Variants in AMBRA1 observed in about 807,000 individuals in gnomAD.
AMBRA1 encodes the protein activating molecule in BECN1-regulated autophagy protein 1.
In AMBRA1, 47 loss-of-function variants were observed where a neutral mutation model predicts 125.4. That is an observed-to-expected ratio of 0.37 (90% CI 0.30 to 0.48). The LOEUF (loss-of-function observed/expected upper bound fraction) is 0.48. AMBRA1 is among the 20% of genes least tolerant of loss of function. The probability of loss-of-function intolerance (pLI) is 0.99; values close to 1 mark genes in which losing one functional copy is unlikely to be tolerated. For missense variants in AMBRA1, 1,331 were observed against 1,693.4 expected, an observed-to-expected ratio of 0.79 and a Z score of 3.76; for synonymous variants, 626 against 655.5, an observed-to-expected ratio of 0.95 and a Z score of 0.69.
chr11:46,471,532 C>T (rs1224907170), intron 11 of AMBRA1, among the ~76,000 whole-genome samples: 1 of 151,104 alleles, frequency 6.6e-6, no homozygotes, highest in African/African-American at 2.4e-5. Context: ...GAGCCGAGAT[C>T]GCCCCACTGC....
intron 15 of AMBRA1, among the ~76,000 whole-genome samples, chr11:46,413,481 T>C (rs915490379): frequency 1.4e-5 from 2 of 146,844 alleles, no homozygotes; most frequent in African/African-American, 2.5e-5. Context: ...CTCTTAGCTT[T>C]CTTTCTTTCT....
intron 11 of AMBRA1, among the ~76,000 whole-genome samples, chr11:46,485,193 C>G (rs1950223749): frequency 6.6e-6 from 1 of 152,238 alleles, no homozygotes; most frequent in Non-Finnish European, 1.5e-5. Context: ...CCGCCTTGGC[C>G]TCCCAACATG....
intron 7 of AMBRA1, among the ~76,000 whole-genome samples, chr11:46,521,177 C>T (rs1951745005): frequency 6.6e-6 from 1 of 152,218 alleles, no homozygotes; most frequent in Non-Finnish European, 1.5e-5. Flanking sequence ...ATGCCCAAAA[C>T]CTCACACTAA....
At chr11:46,558,548 CAAAAAAAAA>C (rs58748629) in intron 1 of AMBRA1, among the ~76,000 whole-genome samples, 1 of 38,736 alleles carries the variant, frequency 2.6e-5, no homozygotes, top group African/African-American at 8.0e-5. Context: ...GACTCCCTCT[CAAAAAAAAA>C]AAAAAAAAAA....
intron 7 of AMBRA1, among the ~76,000 whole-genome samples, chr11:46,519,644 T>A (rs1054772258): frequency 3.9e-5 from 6 of 152,212 alleles, no homozygotes; most frequent in South Asian, 2.1e-4. Flanking sequence ...AGCTTTGATG[T>A]CTGGATGGCA....
At chr11:46,438,414 C>T (rs1376653139) in intron 12 of AMBRA1, among the ~76,000 whole-genome samples, 3 of 152,216 alleles carry the variant, frequency 2.0e-5, no homozygotes, top group Non-Finnish European at 4.4e-5. Context: ...TTCCTATCAG[C>T]TCCATAAATT....
intron 11 of AMBRA1, among the ~76,000 whole-genome samples, chr11:46,488,139 T>A (rs1014391827): frequency 2.6e-5 from 4 of 152,026 alleles, no homozygotes; most frequent in African/African-American, 9.7e-5. Context: ...AATGACAAAG[T>A]CACAAAATAC....
intron 11 of AMBRA1, among the ~76,000 whole-genome samples, chr11:46,480,183 C>T (rs1424179044): frequency 6.6e-6 from 1 of 152,148 alleles, no homozygotes; most frequent in Non-Finnish European, 1.5e-5. Flanking sequence ...AATCTTCCCA[C>T]CTCAAGATCT....
intron 1 of AMBRA1, among the ~76,000 whole-genome samples, chr11:46,559,112 C>T (rs2043249298): frequency 6.6e-6 from 1 of 152,050 alleles, no homozygotes. Context: ...CCAGCCTGGC[C>T]AACATGGTGA....
At chr11:46,517,292 C>T (rs986373928) in intron 7 of AMBRA1, among the ~76,000 whole-genome samples, 4 of 150,592 alleles carry the variant, frequency 2.7e-5, no homozygotes, top group Non-Finnish European at 5.9e-5. Context: ...GGATTACAGG[C>T]GTCCACCACC....
chr11:46,460,047 T>G (rs886299619), intron 11 of AMBRA1, among the ~76,000 whole-genome samples: 1 of 152,180 alleles, frequency 6.6e-6, no homozygotes, highest in Non-Finnish European at 1.5e-5. Flanking sequence ...GCTATATAAC[T>G]GAAGATGAGC....
intron 7 of AMBRA1, among the ~76,000 whole-genome samples, chr11:46,538,650 A>G (rs188615701): frequency 5.0e-4 from 76 of 152,200 alleles, no homozygotes; most frequent in African/African-American, 1.8e-3. Context: ...ATGCACCACC[A>G]TGCCTGGCTA....
chr11:46,549,717 G>A (rs887512649), intron 1 of AMBRA1, among the ~76,000 whole-genome samples: 1 of 151,930 alleles, frequency 6.6e-6, no homozygotes. Flanking sequence ...CTCAAGCAAC[G>A]ACTTTGGACG....
chr11:46,409,619 C>T (rs199967437), intron 16 of AMBRA1, among the ~76,000 whole-genome samples: 2 of 152,214 alleles, frequency 1.3e-5, no homozygotes, highest in East Asian at 3.8e-4. Flanking sequence ...TGCTAGCATC[C>T]CCCTTCCTTG....
chr11:46,539,515 C>G (rs1431100054), intron 7 of AMBRA1, among the ~76,000 whole-genome samples: 1 of 152,120 alleles, frequency 6.6e-6, no homozygotes, highest in African/African-American at 2.4e-5. Flanking sequence ...CGAGATCACA[C>G]TATTGCACTC....
chr11:46,571,687 C>CT (rs543760300), intron 1 of AMBRA1, among the ~76,000 whole-genome samples: 1,994 of 123,886 alleles, frequency 0.016, 21 homozygotes, highest in Admixed American at 0.022. Context: ...ATCAATCAAT[C>CT]TTTTTTTTTT....
intron 17 of AMBRA1, among the ~76,000 whole-genome samples, chr11:46,399,892 T>C (rs1270722390): frequency 2.0e-5 from 3 of 150,544 alleles, no homozygotes; most frequent in Non-Finnish European, 4.4e-5. Flanking sequence ...AGCATTCCCT[T>C]GTGTGGGAAC....
In AMBRA1 at chr11:46,508,229, T is replaced by C; in HGVS notation, c.2301A>G (p.Pro767=). Residue 767 remains proline, a synonymous_variant, in exon 9 of 18, where the codon CCA becomes CCG. Coordinates refer to ENST00000683756, the MANE Select transcript of AMBRA1 (RefSeq NM_001387011.1). The stretch of plus-strand genomic sequence containing the variant: ...ATTCCAAGTCGGTTCCCTCTACTGA[T>C]GGACCCTGGTTGTCTGAGGAAGAGG... ...TSSSSSDNQG[P]SVEGTDLEFE... 4 of 1,614,196 alleles carry C rather than the reference T, an allele frequency of 2.5e-6. No individual in the cohort carries two copies. Among genetic ancestry groups the C allele is most frequent in the Non-Finnish European group, 3.4e-6 (4 of 1,180,014 alleles).
intron 11 of AMBRA1, among the ~76,000 whole-genome samples, chr11:46,459,755 C>G (rs1949017931): frequency 6.6e-6 from 1 of 151,484 alleles, no homozygotes; most frequent in South Asian, 2.1e-4. Flanking sequence ...CACACACACA[C>G]ACACACACAC....
Sources: allele counts gnomAD v4.1 joint callset (sites outside exome capture counted in the v4.1 genomes callset), GRCh38; gene constraint gnomAD v4.1.1; transcripts MANE v1.5; gene names NCBI Gene and HGNC (gene_info 2026-07-23, HGNC 2026-07-21).